The following HOXD11 variants were observed in gnomAD, a reference collection of about 807,000 sequenced individuals.
HOXD11 encodes homeobox protein Hox-D11.
In HOXD11, 16 loss-of-function variants were observed where a neutral mutation model predicts 23.1. The observed-to-expected ratio is 0.69, with a 90% CI of 0.47 to 1.05. HOXD11 has a LOEUF of 1.05. HOXD11 is among the 50% of genes least tolerant of loss of function. HOXD11 has a pLI of 0.00. For missense variants in HOXD11, 564 were observed against 495.6 expected (o/e 1.14, Z -1.31); for synonymous variants, 262 against 224.4 (o/e 1.17, Z -1.50).
In HOXD11 at chr2:176,109,004, A is replaced by G. The variant is rs78492630; in HGVS notation, c.879A>G (p.Lys293=). The change falls in exon 2 of 2, where the codon AAA becomes AAG. Residue 293 remains lysine, a synonymous_variant. Transcript: ENST00000249504. ...REFFFNVYIN[K]EKRLQLSRML... ...TTTTCTTTAACGTGTACATAAACAA[A>G]GAGAAAAGACTTCAACTCTCTCGGA... The G allele has an allele frequency of 2.6e-3, 4,259 of 1,614,126 alleles. 26 individuals carry two copies. Among genetic ancestry groups the G allele is most frequent in the Non-Finnish European group, 2.2e-3 (2,564 of 1,179,928 alleles).
In HOXD11 at chr2:176,107,765, C is replaced by G; in HGVS notation, c.410C>G (p.Pro137Arg). The part of the protein sequence containing the change: ...RELLPPAGRR[P>R]DVLFKAPEPV... ...CTTCTCCCGCCCGCGGGCCGCCGGC[C>G]GGACGTGCTCTTCAAGGCGCCTGAG... The change falls in exon 1 of 2, where the codon CCG becomes CGG. Residue 137 changes from proline (P) to arginine (R), a missense_variant. Physicochemically the swap from Pro to Arg is moderately radical, Grantham distance 103. Transcript: ENST00000249504. The G allele has an allele frequency of 8.0e-7, 1 of 1,248,072 alleles. No individual in the cohort carries two copies. Among genetic ancestry groups the G allele is most frequent in the Non-Finnish European group, 1.0e-6 (1 of 998,520 alleles). 77.3% of individuals were successfully genotyped at this position (1,248,072 alleles called of 1,614,324 possible).
At chr2:176,112,125 T>C (rs1467810057), downstream of HOXD11, among the ~76,000 whole-genome samples, 2 of 152,122 alleles carry the variant, frequency 1.3e-5, no homozygotes, top group East Asian at 3.9e-4. Context: ...GGGGAAACGT[T>C]TATACTTCAA....
chr2:176,111,826 C>CAAAAAAATAAAAAAAA (rs1689676593), downstream of HOXD11, among the ~76,000 whole-genome samples: 1 of 22,740 alleles, frequency 4.4e-5, no homozygotes, highest in Non-Finnish European at 7.5e-5. Flanking sequence ...CTCCCCCCCG[C>CAAAAAAATAAAAAAAA]AAAAAAAAAA....
At chr2:176,113,733 A>C (rs2105391521), downstream of HOXD11, among the ~76,000 whole-genome samples, 1 of 152,356 alleles carries the variant, frequency 6.6e-6, no homozygotes, top group South Asian at 2.1e-4. Flanking sequence ...CTGAAAGCAG[A>C]AATTTTAAAG....
At chr2:176,108,325 T>A (rs1484893678) in intron 1 of HOXD11, among the ~76,000 whole-genome samples, 189 bp downstream of exon 1, 2 of 152,150 alleles carry the variant, frequency 1.3e-5, no homozygotes, top group Non-Finnish European at 2.9e-5. Flanking sequence ...TTAGGTGGGC[T>A]TAAGGTAGAC....
chr2:176,113,340 T>G (rs1225166824), downstream of HOXD11, among the ~76,000 whole-genome samples: 1 of 152,248 alleles, frequency 6.6e-6, no homozygotes, highest in Non-Finnish European at 1.5e-5. Flanking sequence ...ACTTTTTGAT[T>G]ACAAATGCTA....
At position 176,107,522 on chromosome 2, in the gene HOXD11, A is replaced by G. The variant is rs1244583939; in HGVS notation, c.167A>G (p.Gln56Arg). The change falls in exon 1 of 2, where the codon CAG becomes CGG. Residue 56 changes from glutamine (Q) to arginine (R), a missense_variant. Physicochemically the swap from Gln to Arg is conservative, Grantham distance 43. Coordinates refer to ENST00000249504, the MANE Select transcript of HOXD11 (RefSeq NM_021192.3). ...TCTTCCAACCTGGCTCCGCACGTCC[A>G]GCCCGTGCGCGAAGTGGCCTTCCGC... ...PYSSNLAPHV[Q>R]PVREVAFRDY... 1.2e-6 allele frequency: 2 copies of G among 1,613,226 alleles called. No individual in the cohort carries two copies. Among genetic ancestry groups the G allele is most frequent in the Non-Finnish European group, 1.7e-6 (2 of 1,179,756 alleles).
rs1689642742 is a variant in HOXD11 at position 176,109,321 on chromosome 2, C to T, written c.*179C>T. On this transcript the variant is annotated 3_prime_UTR_variant, in exon 2 of 2. Coordinates refer to ENST00000249504, the MANE Select transcript of HOXD11 (RefSeq NM_021192.3). ...GACCACTGCAGCCTGCGGACGAGGC[C>T]GGGACTTGGCCGAGCGGATCCTAAT... 3.4e-6 allele frequency: 2 copies of T among 593,954 alleles called. No homozygotes were observed. The highest frequency in any genetic ancestry group is 3.0e-6 in the Non-Finnish European group (1 of 333,714). The allele number at this position is 593,954 out of a possible 1,614,324, so 36.8% of individuals were successfully genotyped here.
chr2:176,111,826 C>CAAAAAAAAAAAAAAAAAAAA (rs1176283938), downstream of HOXD11, among the ~76,000 whole-genome samples: 152 of 22,744 alleles, frequency 6.7e-3, 30 homozygotes, highest in African/African-American at 0.013. Context: ...CTCCCCCCCG[C>CAAAAAAAAAAAAAAAAAAAA]AAAAAAAAAA....
intron 1 of HOXD11, 23 bp from the exon 2 acceptor site, chr2:176,108,884 C>A (rs1173713301): frequency 6.4e-7 from 1 of 1,568,006 alleles, no homozygotes; most frequent in Non-Finnish European, 8.8e-7. Context: ...CCTCTCTCAC[C>A]CCCTGGTCTC....
chr2:176,107,829 G>C lies in HOXD11; in HGVS notation c.474G>C (p.Ala158=), dbSNP rs1353475274. ...CGCCGGGGCCGCCGCACGGCCCCGC[G>C]GGCGCCGCCTCCAACTTCTACAGCG... ...CAAPGPPHGP[A]GAASNFYSAV... The change falls in exon 1 of 2, where the codon GCG becomes GCC. Residue 158 remains alanine, a synonymous_variant. Coordinates refer to ENST00000249504, the MANE Select transcript of HOXD11 (RefSeq NM_021192.3). 1.4e-6 allele frequency: 2 copies of C among 1,427,048 alleles called. No individual in the cohort carries two copies. The highest frequency in any genetic ancestry group is 3.2e-5 in the East Asian group (1 of 31,230). The allele number at this position is 1,427,048 out of a possible 1,614,324, so 88.4% of individuals were successfully genotyped here. A position where few individuals can be genotyped will look rare whatever the true frequency, so the allele number is the denominator to read the frequency against.
Position 176,109,166 on chromosome 2 carries a change from C to T in HOXD11, c.*24C>T. ...GAGAGCTCCAGGAAGCGCCCTCACC[C>T]CAGCCCCACTCACCCACCCTCCTTC... On this transcript the variant is annotated 3_prime_UTR_variant, in exon 2 of 2. Coordinates refer to ENST00000249504, the MANE Select transcript of HOXD11 (RefSeq NM_021192.3). 4 of 1,442,758 alleles carry T rather than the reference C, an allele frequency of 2.8e-6. No individual in the cohort carries two copies. Among genetic ancestry groups the T allele is most frequent in the Non-Finnish European group, 3.9e-6 (4 of 1,024,822 alleles). The allele number at this position is 1,442,758 out of a possible 1,614,324, so 89.4% of individuals were successfully genotyped here.
rs1482045038 is a variant in HOXD11, at chr2:176,107,969, A to C, written c.614A>C (p.Glu205Ala). The change falls in exon 1 of 2, where the codon GAG (glutamate) becomes GCG (alanine). Residue 205 changes from glutamate (E) to alanine (A), a missense_variant. Physicochemically the swap from Glu to Ala is moderately radical, Grantham distance 107. Coordinates refer to ENST00000249504, the MANE Select transcript of HOXD11 (RefSeq NM_021192.3). ...PPPPPAPPQPEGAADKGDPRT... is the reference protein window; with the variant it reads ...PPPPPAPPQPAGAADKGDPRT... ...CCGCCACCCGCGCCGCCACAGCCCGAGGGCGCAGCCGACAAGGGCGACCCC... is the reference window on the plus strand; with the variant it reads ...CCGCCACCCGCGCCGCCACAGCCCGCGGGCGCAGCCGACAAGGGCGACCCC... The C allele has an allele frequency of 7.7e-6, 11 of 1,426,596 alleles. No homozygotes were observed. In the Admixed American group the frequency reaches 3.1e-4, roughly 41 times the overall value. 88.4% of individuals were successfully genotyped at this position (1,426,596 alleles called of 1,614,324 possible). A position where few individuals can be genotyped will look rare whatever the true frequency, so the allele number is the denominator to read the frequency against.
rs547702741 is a variant in HOXD11, at chr2:176,109,322, G to A, written c.*180G>A. 4 of 594,328 alleles carry A rather than the reference G, an allele frequency of 6.7e-6. No homozygotes were observed. Among genetic ancestry groups the A allele is most frequent in the African/African-American group, 3.7e-5 (2 of 53,914 alleles). The allele number at this position is 594,328 out of a possible 1,614,324, so 36.8% of individuals were successfully genotyped here. On this transcript the variant is annotated 3_prime_UTR_variant, in exon 2 of 2. Coordinates refer to ENST00000249504, the MANE Select transcript of HOXD11 (RefSeq NM_021192.3). ...ACCACTGCAGCCTGCGGACGAGGCCGGGACTTGGCCGAGCGGATCCTAATA... is the reference window on the plus strand; with the variant it reads ...ACCACTGCAGCCTGCGGACGAGGCCAGGACTTGGCCGAGCGGATCCTAATA...
Position 176,107,807 on chromosome 2 carries a change from C to T in HOXD11, c.452C>T (p.Pro151Leu), listed in dbSNP as rs1407430896. 4 of 1,394,562 alleles carry T rather than the reference C, an allele frequency of 2.9e-6. No homozygotes were observed. The highest frequency in any genetic ancestry group is 3.3e-5 in the East Asian group (1 of 30,620). The allele number at this position is 1,394,562 out of a possible 1,614,324, so 86.4% of individuals were successfully genotyped here. Residue 151 changes from proline (P) to leucine (L), a missense_variant, in exon 1 of 2, where the codon CCG (proline) becomes CTG (leucine). Transcript: ENST00000249504. ...GCGCCTGAGCCGGTGTGCGCTGCGC[C>T]GGGGCCGCCGCACGGCCCCGCGGGC... ...FKAPEPVCAA[P>L]GPPHGPAGAA... is the part of the protein sequence containing the mutation.
the HOXD11 span, among the ~76,000 whole-genome samples, chr2:176,115,585 T>G: frequency 6.6e-6 from 1 of 152,150 alleles, no homozygotes; most frequent in Non-Finnish European, 1.5e-5. Flanking sequence ...AGCAAGAAAA[T>G]TACCAAGTAG....
downstream of HOXD11, among the ~76,000 whole-genome samples, chr2:176,110,360 C>A (rs1431212669): frequency 5.9e-5 from 9 of 152,192 alleles, no homozygotes; most frequent in Non-Finnish European, 5.9e-5. Flanking sequence ...TATTATACAC[C>A]TTCTGGTGGG....
At chr2:176,114,853 A>G in the HOXD11 span, among the ~76,000 whole-genome samples, 2 of 152,170 alleles carry the variant, frequency 1.3e-5, no homozygotes, top group Non-Finnish European at 2.9e-5. Context: ...GAGTACGGGG[A>G]AAAGAGAACA....
downstream of HOXD11, among the ~76,000 whole-genome samples, chr2:176,114,367 A>C (rs1465538259): frequency 1.3e-5 from 2 of 151,974 alleles, no homozygotes; most frequent in African/African-American, 4.8e-5. Flanking sequence ...CCCCACCCCC[A>C]AGCTCGAAAA....
Sources: gnomAD v4.1 joint callset for allele counts (sites outside exome capture counted in the v4.1 genomes callset) on GRCh38, gnomAD v4.1.1 for gene constraint, MANE v1.5 for transcripts, NCBI Gene and HGNC (gene_info 2026-07-23, HGNC 2026-07-21) for gene names.